The following TASP1 variants were observed in gnomAD, a reference collection of about 807,000 sequenced individuals.
TASP1 encodes the protein threonine aspartase 1.
Under a neutral mutation model 56.6 loss-of-function variants are expected in TASP1, and 16 were observed. The ratio of observed to expected loss-of-function variants is 0.28; its 90% CI spans 0.19 to 0.43. The LOEUF (loss-of-function observed/expected upper bound fraction) is 0.43. Ranked by LOEUF, TASP1 falls within the 20% of genes least tolerant of loss-of-function variation. The pLI, the probability that TASP1 is intolerant of heterozygous loss-of-function variation, is 1.00. For missense variants in TASP1, 393 were observed against 511.6 expected, an observed-to-expected ratio of 0.77 and a Z score of 2.24; for synonymous variants, 179 against 184.2, an observed-to-expected ratio of 0.97 and a Z score of 0.23.
chr20:13,339,713 G>T, the TASP1 span, among the ~76,000 whole-genome samples: 1 of 151,860 alleles, frequency 6.6e-6, no homozygotes, highest in South Asian at 2.1e-4. Flanking sequence ...TCCCCCAAAT[G>T]AAACAAGTGA....
intron 5 of TASP1, among the ~76,000 whole-genome samples, chr20:13,586,475 C>T (rs1053568077): frequency 4.6e-5 from 7 of 152,150 alleles, no homozygotes; most frequent in Non-Finnish European, 8.8e-5. Context: ...GCAAATTAAT[C>T]TATGGCACCC....
At chr20:13,584,710 T>C (rs1038805448) in intron 5 of TASP1, among the ~76,000 whole-genome samples, 1 of 152,140 alleles carries the variant, frequency 6.6e-6, no homozygotes, top group East Asian at 1.9e-4. Flanking sequence ...CTTCAAGGGA[T>C]TGGTATCATA....
At chr20:13,235,927 C>CTTTTTTTTTTTTTTT in the TASP1 span, among the ~76,000 whole-genome samples, 1 of 149,582 alleles carries the variant, frequency 6.7e-6, no homozygotes, top group African/African-American at 2.5e-5. Context: ...TTGTACTTCC[C>CTTTTTTTTTTTTTTT]TTTTTTCTTT....
intron 8 of TASP1, among the ~76,000 whole-genome samples, chr20:13,541,063 C>A (rs533703209): frequency 1.3e-5 from 2 of 152,218 alleles, no homozygotes; most frequent in East Asian, 3.8e-4. Flanking sequence ...TATTAAGAGA[C>A]ATGGCTCAAA....
At chr20:13,135,804 A>G in the TASP1 span, among the ~76,000 whole-genome samples, 2 of 152,340 alleles carry the variant, frequency 1.3e-5, no homozygotes, top group African/African-American at 4.8e-5. Flanking sequence ...AAATGGCTAT[A>G]AGAAAAATCA....
the TASP1 span, among the ~76,000 whole-genome samples, chr20:13,292,161 T>C: frequency 6.6e-6 from 1 of 152,254 alleles, no homozygotes; most frequent in Non-Finnish European, 1.5e-5. Flanking sequence ...CATTTGGATC[T>C]GATTTCACGT....
the TASP1 span, among the ~76,000 whole-genome samples, chr20:13,219,021 T>C: frequency 5.3e-5 from 8 of 152,222 alleles, no homozygotes; most frequent in African/African-American, 1.7e-4. Context: ...AAAGGTTTCT[T>C]TCCAGAGTTT....
rs117289288 is a variant in TASP1 at position 13,432,635 on chromosome 20, C to T, written c.1096+2409G>A. 9.8e-4 allele frequency among the ~76,000 whole-genome samples: 149 copies of T among 152,226 alleles called. 3 individuals carry two copies. In the East Asian group the frequency reaches 0.021, roughly 21 times the overall value. On this transcript the variant is annotated intron_variant, in intron 12 of 13. Coordinates refer to ENST00000337743, the MANE Select transcript of TASP1 (RefSeq NM_017714.3). ...ATCAACGCCTCCAGTTAATGAACGG[C>T]AAGGTTTCACTTATTTCATAAACTG...
At chr20:13,587,522 A>G (rs1943826643) in intron 4 of TASP1, 152 bp from the exon 5 acceptor site, 1 of 602,694 alleles carries the variant, frequency 1.7e-6, no homozygotes, top group Admixed American at 3.5e-5. Flanking sequence ...AAAACATGAC[A>G]AAGATATCAG....
chr20:13,350,648 G>C, the TASP1 span, among the ~76,000 whole-genome samples: 1 of 151,948 alleles, frequency 6.6e-6, no homozygotes, highest in African/African-American at 2.4e-5. Context: ...AAATTCAATA[G>C]TACATAAACA....
chr20:13,236,520 C>A, the TASP1 span, among the ~76,000 whole-genome samples: 1 of 152,132 alleles, frequency 6.6e-6, no homozygotes, highest in Non-Finnish European at 1.5e-5. Context: ...ACCAATCATG[C>A]CTTCCCAACA....
At chr20:13,126,546 T>C in the TASP1 span, 1 of 1,588,358 alleles carries the variant, frequency 6.3e-7, no homozygotes, top group African/African-American at 1.3e-5. Context: ...CCACCAGTGT[T>C]GAGATTTATT....
At chr20:13,252,346 C>T in the TASP1 span, among the ~76,000 whole-genome samples, 48 of 152,292 alleles carry the variant, frequency 3.2e-4, no homozygotes, top group Admixed American at 9.2e-4. Context: ...TGAATCATTG[C>T]TTTAATCAGG....
At chr20:13,579,440 C>G (rs1204258763) in intron 6 of TASP1, among the ~76,000 whole-genome samples, 4 of 151,888 alleles carry the variant, frequency 2.6e-5, no homozygotes, top group Non-Finnish European at 2.9e-5. Context: ...GCGATCTCAG[C>G]TCACTGCAAG....
intron 11 of TASP1, among the ~76,000 whole-genome samples, chr20:13,451,275 A>G (rs892489731): frequency 7.2e-5 from 11 of 152,106 alleles, no homozygotes; most frequent in African/African-American, 1.9e-4. Context: ...ATTGGCTTCA[A>G]TTGAAAATCA....
At chr20:13,422,003 G>A (rs747628381) in intron 12 of TASP1, among the ~76,000 whole-genome samples, 3 of 144,680 alleles carry the variant, frequency 2.1e-5, no homozygotes, top group Non-Finnish European at 4.5e-5. Context: ...CCAGGCTGGA[G>A]TGCAGTGGTG....
chr20:13,176,269 C>G, the TASP1 span, among the ~76,000 whole-genome samples: 2 of 152,184 alleles, frequency 1.3e-5, no homozygotes, highest in African/African-American at 4.8e-5. Flanking sequence ...GTGGTTAAGA[C>G]TTCCAGAACT....
chr20:13,279,506 A>G, the TASP1 span: 13,852 of 885,276 alleles, frequency 0.016, 694 homozygotes, highest in African/African-American at 0.14. Flanking sequence ...TCGCCATGCA[A>G]TCTCAGCTTT....
chr20:13,424,583 T>C (rs1474161401), intron 12 of TASP1, among the ~76,000 whole-genome samples: 1 of 151,696 alleles, frequency 6.6e-6, no homozygotes, highest in Non-Finnish European at 1.5e-5. Flanking sequence ...GTGACACATC[T>C]GAGCCTGTGA....
Sources: allele counts gnomAD v4.1 joint callset (sites outside exome capture counted in the v4.1 genomes callset), GRCh38; gene constraint gnomAD v4.1.1; transcripts MANE v1.5; gene names NCBI Gene and HGNC (gene_info 2026-07-23, HGNC 2026-07-21).